SGCD: variants seen among roughly 807,000 people sequenced by gnomAD.
SGCD encodes delta-sarcoglycan.
Under a neutral mutation model 36.6 loss-of-function variants are expected in SGCD, and 18 were observed. The observed-to-expected ratio is 0.49, with a 90% CI of 0.34 to 0.73. The LOEUF (loss-of-function observed/expected upper bound fraction) is 0.73. Ranked by LOEUF, SGCD falls within the 30% of genes least tolerant of loss-of-function variation. SGCD has a pLI of 0.01. For missense variants in SGCD, 387 were observed against 346.7 expected (o/e 1.12, Z -0.92); for synonymous variants, 133 against 130.6 (o/e 1.02, Z -0.12).
At chr5:156,001,853 T>C (rs1397607150) in intron 1 of SGCD, among the ~76,000 whole-genome samples, 1 of 152,090 alleles carries the variant, frequency 6.6e-6, no homozygotes, top group Non-Finnish European at 1.5e-5. Flanking sequence ...CCACTGAGGG[T>C]GAAGGGCTGA....
chr5:156,588,004 G>A (rs537515427), intron 4 of SGCD, among the ~76,000 whole-genome samples: 1 of 151,414 alleles, frequency 6.6e-6, no homozygotes, highest in African/African-American at 2.4e-5. Flanking sequence ...GGGGCTCAAA[G>A]CATTGAGCTA....
At chr5:156,431,693 A>G (rs1235840820) in intron 3 of SGCD, among the ~76,000 whole-genome samples, 2 of 152,016 alleles carry the variant, frequency 1.3e-5, no homozygotes, top group East Asian at 3.9e-4. Context: ...TGAGAGCCAG[A>G]CTGCAATGAT....
intron 6 of SGCD, among the ~76,000 whole-genome samples, chr5:156,639,632 A>AAC (rs1385682779): frequency 1.1e-4 from 17 of 152,188 alleles, no homozygotes; most frequent in African/African-American, 4.1e-4. Flanking sequence ...TTGTGCCCAC[A>AAC]ACAGTCTGCC....
intron 3 of SGCD, among the ~76,000 whole-genome samples, chr5:156,495,857 C>T (rs1472298773): frequency 1.3e-5 from 2 of 152,220 alleles, no homozygotes; most frequent in South Asian, 2.1e-4. Flanking sequence ...ATTTTCTTCC[C>T]GTCAGACAAT....
chr5:156,069,432 G>C (rs1581075843), intron 1 of SGCD, among the ~76,000 whole-genome samples: 1 of 152,168 alleles, frequency 6.6e-6, no homozygotes, highest in East Asian at 1.9e-4. Flanking sequence ...TCAGATAGTT[G>C]TAGATATGTG....
intron 3 of SGCD, among the ~76,000 whole-genome samples, chr5:156,257,141 A>G (rs181419266): frequency 1.3e-5 from 2 of 150,598 alleles, no homozygotes; most frequent in East Asian, 3.9e-4. Flanking sequence ...ATACCACTGT[A>G]CTCCAGCCTG....
intron 1 of SGCD, among the ~76,000 whole-genome samples, chr5:156,024,985 G>A (rs1235162924): frequency 5.3e-5 from 8 of 151,616 alleles, no homozygotes; most frequent in Non-Finnish European, 4.4e-5. Flanking sequence ...AATGGCTAAA[G>A]AAAGCTGTGG....
intron 1 of SGCD, among the ~76,000 whole-genome samples, chr5:155,921,380 AAGGTCTT>A (rs1756875095): frequency 6.6e-6 from 1 of 152,064 alleles, no homozygotes; most frequent in Non-Finnish European, 1.5e-5. Context: ...TTTGGTTCTT[AAGGTCTT>A]AGGGGAAGGA....
rs73810360 is a variant in SGCD, at chr5:155,959,097, A to G, written c.-282+88673A>G. 9.8e-3 allele frequency among the ~76,000 whole-genome samples: 1,494 copies of G among 152,232 alleles called. 26 individuals carry two copies. The highest frequency in any genetic ancestry group is 0.034 in the African/African-American group (1,411 of 41,550). ...GTAATTCAAGGTCATGCAAAACACA[A>G]GTTTATTACAAACTAGAATCTTATG... On this transcript the variant is annotated intron_variant, in intron 1 of 9. Transcript: ENST00000517913.
the SGCD span, among the ~76,000 whole-genome samples, chr5:155,814,251 T>C: frequency 6.6e-6 from 1 of 152,244 alleles, no homozygotes; most frequent in East Asian, 1.9e-4. Context: ...TTTTCTTGTT[T>C]GCTCTTTCTG....
At chr5:156,237,294 G>A (rs1765190818) in intron 3 of SGCD, among the ~76,000 whole-genome samples, 1 of 152,052 alleles carries the variant, frequency 6.6e-6, no homozygotes, top group Admixed American at 6.6e-5. Flanking sequence ...TTATTTATAT[G>A]TCCTGTAAAC....
chr5:155,731,312 AAAG>A, the SGCD span, among the ~76,000 whole-genome samples: 3 of 151,802 alleles, frequency 2.0e-5, no homozygotes, highest in Non-Finnish European at 4.4e-5. Context: ...GAGTGTGAGA[AAAG>A]AGAACAAAAA....
At chr5:156,346,339 C>T (rs1215496822) in intron 3 of SGCD, among the ~76,000 whole-genome samples, 1 of 152,086 alleles carries the variant, frequency 6.6e-6, no homozygotes, top group Non-Finnish European at 1.5e-5. Flanking sequence ...CACTTTTTCA[C>T]AGACGCTGTA....
At chr5:156,018,462 G>C (rs1759032400) in intron 1 of SGCD, among the ~76,000 whole-genome samples, 1 of 152,148 alleles carries the variant, frequency 6.6e-6, no homozygotes, top group South Asian at 2.1e-4. Flanking sequence ...GGTTAACAGA[G>C]ATATTGGATA....
chr5:156,643,054 C>T (rs1173115104), intron 6 of SGCD, among the ~76,000 whole-genome samples: 14 of 105,440 alleles, frequency 1.3e-4, no homozygotes, highest in East Asian at 5.7e-4. Context: ...TTTTTTGAAA[C>T]GGAGTTTCAC....
intron 3 of SGCD, among the ~76,000 whole-genome samples, chr5:156,369,856 A>G (rs1770291316): frequency 6.6e-6 from 1 of 152,200 alleles, no homozygotes; most frequent in Admixed American, 6.5e-5. Flanking sequence ...GAGAAATTCC[A>G]AATGGGGTTT....
At chr5:156,143,016 C>A (rs1001643453) in intron 3 of SGCD, among the ~76,000 whole-genome samples, 2 of 152,150 alleles carry the variant, frequency 1.3e-5, no homozygotes, top group African/African-American at 4.8e-5. Flanking sequence ...TTGAAGAAAC[C>A]CTTCCCATCA....
intron 1 of SGCD, among the ~76,000 whole-genome samples, chr5:155,899,602 A>T (rs1341052342): frequency 6.6e-6 from 1 of 152,206 alleles, no homozygotes; most frequent in Non-Finnish European, 1.5e-5. Flanking sequence ...AGAAACGTCA[A>T]GAAAAATAAA....
At chr5:156,621,206 C>T (rs1308438594) in intron 6 of SGCD, among the ~76,000 whole-genome samples, 1 of 152,016 alleles carries the variant, frequency 6.6e-6, no homozygotes, top group East Asian at 1.9e-4. Context: ...TTTTTTCCCC[C>T]TTTGAGATAG....
Sources: allele counts gnomAD v4.1 joint callset (sites outside exome capture counted in the v4.1 genomes callset), GRCh38; gene constraint gnomAD v4.1.1; transcripts MANE v1.5; gene names NCBI Gene and HGNC (gene_info 2026-07-23, HGNC 2026-07-21).